KCNQ1OT1: variants seen among roughly 807,000 people sequenced by gnomAD.
KCNQ1OT1 encodes the protein KCNQ1 antisense RNA 2 (non-protein coding).
rs1036100703 is a variant in KCNQ1OT1, at chr11:2,668,984, C to T, written n.31011G>A. On this transcript the variant is annotated non_coding_transcript_exon_variant, in exon 1 of 1. Coordinates refer to ENST00000597346, the Ensembl canonical transcript of KCNQ1OT1. This position sits in a 1 kb window ranked among gnomAD's most constrained non-coding sequence, Gnocchi z 4.3. ...TTGATTTTTGTGTCCAATGTGAGGC[C>T]GAGGTCAAGGTCCACTCTTCCCCTA... 13 of 398,358 alleles carry T rather than the reference C, an allele frequency of 3.3e-5. No homozygotes were observed. Among genetic ancestry groups the T allele is most frequent in the Middle Eastern group, 6.2e-4 (1 of 1,610 alleles). 24.7% of individuals were successfully genotyped at this position (398,358 alleles called of 1,614,324 possible). A position where few individuals can be genotyped will look rare whatever the true frequency, so the allele number is the denominator to read the frequency against.
rs139764915 is a variant in KCNQ1OT1, at chr11:2,690,136, G to A, written n.9859C>T. On this transcript the variant is annotated non_coding_transcript_exon_variant, in exon 1 of 1. Transcript: ENST00000597346. The surrounding 1 kb of genome is among the most constrained non-coding windows in gnomAD (Gnocchi z 5.1). ...AGAACTGGGGGAGCAGGGACAAAAAGCGGGCAGCCCTCCCCAGCATGACAG... is the reference window on the plus strand; with the variant it reads ...AGAACTGGGGGAGCAGGGACAAAAAACGGGCAGCCCTCCCCAGCATGACAG... 474 of 398,982 alleles carry A rather than the reference G, an allele frequency of 1.2e-3. 2 individuals are homozygous for A. The highest frequency in any genetic ancestry group is 4.0e-3 in the Admixed American group (91 of 22,740). The allele number at this position is 398,982 out of a possible 1,614,324, so 24.7% of individuals were successfully genotyped here. A position where few individuals can be genotyped will look rare whatever the true frequency, so the allele number is the denominator to read the frequency against.
exon 1 of KCNQ1OT1, chr11:2,675,562 A>C: frequency 5.0e-6 from 2 of 398,700 alleles, no homozygotes; most frequent in Non-Finnish European, 8.8e-6. Flanking sequence ...GTAATAAGAC[A>C]TACGTAACAG....
chr11:2,658,770 C>T lies in KCNQ1OT1; in HGVS notation n.41225G>A, dbSNP rs569025027. The T allele has an allele frequency of 5.0e-6, 2 of 398,568 alleles. No individual in the cohort carries two copies. The highest frequency in any genetic ancestry group is 4.1e-5 in the African/African-American group (2 of 48,740). The allele number at this position is 398,568 out of a possible 1,614,324, so 24.7% of individuals were successfully genotyped here. A position where few individuals can be genotyped will look rare whatever the true frequency, so the allele number is the denominator to read the frequency against. On this transcript the variant is annotated non_coding_transcript_exon_variant, in exon 1 of 1. Transcript: ENST00000597346. The surrounding 1 kb of genome is among the most constrained non-coding windows in gnomAD (Gnocchi z 4.9). ...AAAGCTAACCATGAGTTCATACTGACATTTCTGACCAGAGTTCATCCTTGC... is the reference window on the plus strand; with the variant it reads ...AAAGCTAACCATGAGTTCATACTGATATTTCTGACCAGAGTTCATCCTTGC...
Position 2,696,976 on chromosome 11 carries a change from T to C in KCNQ1OT1, n.3019A>G, listed in dbSNP as rs1590038631. The stretch of plus-strand genomic sequence containing the variant: ...TAGTTGTTAAGTTCCTTAATTTTTT[T>C]TTTCCATGTAGCCCAGTAATTTTCA... On this transcript the variant is annotated non_coding_transcript_exon_variant, in exon 1 of 1. Transcript: ENST00000597346. The C allele has an allele frequency of 7.5e-6, 3 of 398,590 alleles. No homozygotes were observed. In the East Asian group the frequency reaches 1.1e-4, roughly 14 times the overall value. The allele number at this position is 398,590 out of a possible 1,614,324, so 24.7% of individuals were successfully genotyped here.
In KCNQ1OT1 at chr11:2,623,058, C is replaced by T. The variant is rs1337703491; in HGVS notation, n.76937G>A. The T allele has an allele frequency of 5.0e-6, 2 of 398,598 alleles. No homozygotes were observed. Among genetic ancestry groups the T allele is most frequent in the Non-Finnish European group, 8.8e-6 (2 of 226,130 alleles). The allele number at this position is 398,598 out of a possible 1,614,324, so 24.7% of individuals were successfully genotyped here. Reference sequence around the variant, plus strand: ...GGCCTGGTGGGGGGCAAACTTCCCCCTTGCTGTTCTCATGATAGTGAGTTC... The same window carrying T: ...GGCCTGGTGGGGGGCAAACTTCCCCTTTGCTGTTCTCATGATAGTGAGTTC... On this transcript the variant is annotated non_coding_transcript_exon_variant, in exon 1 of 1. Transcript: ENST00000597346. The surrounding 1 kb of genome is among the most constrained non-coding windows in gnomAD (Gnocchi z 5.2).
At position 2,611,859 on chromosome 11, in the gene KCNQ1OT1, G is replaced by C. The variant is rs2133791883; in HGVS notation, n.88136C>G. 3 of 398,102 alleles carry C rather than the reference G, an allele frequency of 7.5e-6. No individual in the cohort carries two copies. In the East Asian group the frequency reaches 1.1e-4, roughly 14 times the overall value. 24.7% of individuals were successfully genotyped at this position (398,102 alleles called of 1,614,324 possible). On this transcript the variant is annotated non_coding_transcript_exon_variant, in exon 1 of 1. Transcript: ENST00000597346. The surrounding 1 kb of genome is among the most constrained non-coding windows in gnomAD (Gnocchi z 5.3). The stretch of plus-strand genomic sequence containing the variant: ...GAGTACCATTCTAATTCCTTTGTTA[G>C]TTTATTTCCCCCATTTTTAAAGTGT...
chr11:2,621,460 A>T lies in KCNQ1OT1; in HGVS notation n.78535T>A, dbSNP rs1041898741. On this transcript the variant is annotated non_coding_transcript_exon_variant, in exon 1 of 1. Coordinates refer to ENST00000597346, the Ensembl canonical transcript of KCNQ1OT1. This position sits in a 1 kb window ranked among gnomAD's most constrained non-coding sequence, Gnocchi z 5.7. ...CTGGACATAGGACCTTTGCCAGATG[A>T]ATAGTTTGCAAATATTTTTTCTCCC... The T allele has an allele frequency of 2.5e-6, 1 of 398,420 alleles. No individual in the cohort carries two copies. The highest frequency in any genetic ancestry group is 2.1e-5 in the African/African-American group (1 of 48,590). The allele number at this position is 398,420 out of a possible 1,614,324, so 24.7% of individuals were successfully genotyped here.
exon 1 of KCNQ1OT1, chr11:2,688,162 C>T: frequency 5.0e-6 from 2 of 398,796 alleles, no homozygotes; most frequent in Non-Finnish European, 4.4e-6. Context: ...GCTCCCTAGG[C>T]CTCTGCAGAC....
exon 1 of KCNQ1OT1, chr11:2,631,215 T>C (rs542523961): frequency 2.0e-5 from 8 of 398,556 alleles, no homozygotes; most frequent in Admixed American, 4.4e-5. Flanking sequence ...ATAAATCCTG[T>C]GTGAACATTA....
rs536820683 is a variant in KCNQ1OT1 at position 2,631,920 on chromosome 11, C to T, written n.68075G>A. On this transcript the variant is annotated non_coding_transcript_exon_variant, in exon 1 of 1. Transcript: ENST00000597346. ...ACTGAAAGCTGGGCGCAGTGGCTCA[C>T]GCCTGTAATCCCAGCACTTTGGGAG... 134 of 397,428 alleles carry T rather than the reference C, an allele frequency of 3.4e-4. 1 individual carries two copies. Among genetic ancestry groups the T allele is most frequent in the Middle Eastern group, 1.9e-3 (3 of 1,590 alleles). 24.6% of individuals were successfully genotyped at this position (397,428 alleles called of 1,614,324 possible). A position where few individuals can be genotyped will look rare whatever the true frequency, so the allele number is the denominator to read the frequency against.
chr11:2,614,382 C>A, exon 1 of KCNQ1OT1: 1 of 398,498 alleles, frequency 2.5e-6, no homozygotes, highest in Non-Finnish European at 4.4e-6. Context: ...GAAACCATTT[C>A]AAAATGTACA....
exon 1 of KCNQ1OT1, chr11:2,630,926 GT>G (rs1589992183): frequency 2.5e-6 from 1 of 398,508 alleles, no homozygotes; most frequent in East Asian, 3.6e-5. Context: ...GGCCTGGAAA[GT>G]TTTTGCTCAG....
Position 2,677,442 on chromosome 11 carries a change from T to C in KCNQ1OT1, n.22553A>G, listed in dbSNP as rs1350326453. 2.5e-6 allele frequency: 1 copy of C among 398,552 alleles called. No individual in the cohort carries two copies. The highest frequency in any genetic ancestry group is 4.4e-5 in the Admixed American group (1 of 22,740). 24.7% of individuals were successfully genotyped at this position (398,552 alleles called of 1,614,324 possible). A position where few individuals can be genotyped will look rare whatever the true frequency, so the allele number is the denominator to read the frequency against. On this transcript the variant is annotated non_coding_transcript_exon_variant, in exon 1 of 1. Transcript: ENST00000597346. The surrounding 1 kb of genome is among the most constrained non-coding windows in gnomAD (Gnocchi z 4.5). The stretch of plus-strand genomic sequence containing the variant: ...GGACAGCAGGGGAGATGATAATTGA[T>C]GCAGGTGGCCTCTTGGTCAAGCAGT...
chr11:2,681,544 A>G lies in KCNQ1OT1; in HGVS notation n.18451T>C, dbSNP rs1850396849. The G allele has an allele frequency of 1.5e-5, 6 of 398,324 alleles. No homozygotes were observed. The East Asian group carries it at 2.1e-4, about 14-fold the overall frequency. The allele number at this position is 398,324 out of a possible 1,614,324, so 24.7% of individuals were successfully genotyped here. A position where few individuals can be genotyped will look rare whatever the true frequency, so the allele number is the denominator to read the frequency against. On this transcript the variant is annotated non_coding_transcript_exon_variant, in exon 1 of 1. Transcript: ENST00000597346. ...AGCCAGCCCATGATGCCTGGAAGGA[A>G]CTTACCCTTTTCTAGAGTAACTTCC...
In KCNQ1OT1 at chr11:2,647,422, T is replaced by A. The variant is rs1044214569; in HGVS notation, n.52573A>T. On this transcript the variant is annotated non_coding_transcript_exon_variant, in exon 1 of 1. Transcript: ENST00000597346. The surrounding 1 kb of genome is among the most constrained non-coding windows in gnomAD (Gnocchi z 4.0). ...GTGTTTTGTTTCTGAGGATTCTGCA[T>A]CTATGTTCATCAGGGAGATTGGCCT... 3 of 398,488 alleles carry A rather than the reference T, an allele frequency of 7.5e-6. No individual in the cohort carries two copies. The highest frequency in any genetic ancestry group is 6.2e-5 in the African/African-American group (3 of 48,648). 24.7% of individuals were successfully genotyped at this position (398,488 alleles called of 1,614,324 possible).
rs769138480 is a variant in KCNQ1OT1, at chr11:2,661,299, C to CTG, written n.38695_38696insCA. ...AGCCAAGAGCAAATACTGATAGTGT[C>CTG]AACAGAGAGTGGGGAGTGATAAGGA... On this transcript the variant is annotated non_coding_transcript_exon_variant, in exon 1 of 1. Transcript: ENST00000597346. This position sits in a 1 kb window ranked among gnomAD's most constrained non-coding sequence, Gnocchi z 5.9. The CTG allele has an allele frequency of 3.0e-5, 12 of 400,774 alleles. No homozygotes were observed. Among genetic ancestry groups the CTG allele is most frequent in the Non-Finnish European group, 4.4e-5 (10 of 227,506 alleles). The allele number at this position is 400,774 out of a possible 1,614,324, so 24.8% of individuals were successfully genotyped here. A position where few individuals can be genotyped will look rare whatever the true frequency, so the allele number is the denominator to read the frequency against.
exon 1 of KCNQ1OT1, chr11:2,662,973 C>G (rs1268799591): frequency 5.0e-6 from 2 of 398,568 alleles, no homozygotes; most frequent in Admixed American, 8.8e-5. Flanking sequence ...GCCTTTGCAG[C>G]CAGCCAGGTG....
exon 1 of KCNQ1OT1, chr11:2,693,091 C>T (rs1817985287): frequency 2.5e-6 from 1 of 398,672 alleles, no homozygotes; most frequent in Non-Finnish European, 4.4e-6. Flanking sequence ...TGGCTCCTTA[C>T]TCTTTAAGAG....
chr11:2,682,785 C>G lies in KCNQ1OT1; in HGVS notation n.17210G>C, dbSNP rs762399173. 1 of 398,624 alleles carries G rather than the reference C, an allele frequency of 2.5e-6. No individual in the cohort carries two copies. The highest frequency in any genetic ancestry group is 4.4e-6 in the Non-Finnish European group (1 of 226,084). 24.7% of individuals were successfully genotyped at this position (398,624 alleles called of 1,614,324 possible). A position where few individuals can be genotyped will look rare whatever the true frequency, so the allele number is the denominator to read the frequency against. On this transcript the variant is annotated non_coding_transcript_exon_variant, in exon 1 of 1. Coordinates refer to ENST00000597346, the Ensembl canonical transcript of KCNQ1OT1. This position sits in a 1 kb window ranked among gnomAD's most constrained non-coding sequence, Gnocchi z 5.8. Reference sequence around the variant, plus strand: ...TTCTAGAAATGCAGGGAAATCTGGGCACCATGAAATGCAGTGACTTGCAGT... The same window carrying G: ...TTCTAGAAATGCAGGGAAATCTGGGGACCATGAAATGCAGTGACTTGCAGT...
Sources: gnomAD v4.1 joint callset for allele counts on GRCh38, gnomAD v4.1.1 for gene constraint, Gnocchi (gnomAD v3.1) non-coding constraint, MANE v1.5 for transcripts, NCBI Gene and HGNC (gene_info 2026-07-23, HGNC 2026-07-21) for gene names.